The following OXR1 variants were observed in gnomAD, a reference collection of about 807,000 sequenced individuals.
The protein encoded by OXR1 is oxidation resistance 1, also known as oxidation resistance protein 1.
Under a neutral mutation model 104.6 loss-of-function variants are expected in OXR1, and 41 were observed. That is an observed-to-expected ratio of 0.39 (90% CI 0.31 to 0.51). The LOEUF (loss-of-function observed/expected upper bound fraction) is 0.51. OXR1 is among the 20% of genes least tolerant of loss of function. The pLI is 0.77. For synonymous variants in OXR1, 348 were observed against 348.4 expected, an observed-to-expected ratio of 1.00 and a Z score of 0.01; for missense variants, 955 against 1,031.9, an observed-to-expected ratio of 0.93 and a Z score of 1.02.
chr8:106,287,275 G>A (rs1230494050), intron 1 of OXR1, among the ~76,000 whole-genome samples: 5 of 152,120 alleles, frequency 3.3e-5, no homozygotes, highest in African/African-American at 4.8e-5. Flanking sequence ...GAGGTCAGGG[G>A]TATTGGAGGT....
intron 4 of OXR1, among the ~76,000 whole-genome samples, chr8:106,681,140 G>A (rs1587068492): frequency 6.6e-6 from 1 of 152,174 alleles, no homozygotes; most frequent in South Asian, 2.1e-4. Flanking sequence ...CACTTGGGCT[G>A]TTTTGTTACC....
At position 106,557,160 on chromosome 8, in the gene OXR1, T is replaced by C. The variant is rs148885335; in HGVS notation, c.220+38021T>C. ...CATTTCCTACATTGAGCCCTTCCAA[T>C]TAATTAAGATTATTTTCCTGTTCTA... On this transcript the variant is annotated intron_variant, in intron 3 of 16. Transcript: ENST00000517566. Among the ~76,000 whole-genome samples, 58 of 152,332 alleles carry C rather than the reference T, an allele frequency of 3.8e-4. No homozygotes were observed. In the East Asian group the frequency reaches 0.011, roughly 28 times the overall value.
At chr8:106,518,683 GA>G (rs1008030452) in intron 2 of OXR1, among the ~76,000 whole-genome samples, 3 of 151,850 alleles carry the variant, frequency 2.0e-5, no homozygotes, top group Non-Finnish European at 4.4e-5. Flanking sequence ...ATTGGTTATT[GA>G]AAAAATAAAA....
At chr8:106,373,413 A>G (rs1816786690) in intron 2 of OXR1, among the ~76,000 whole-genome samples, 1 of 152,192 alleles carries the variant, frequency 6.6e-6, no homozygotes, top group Non-Finnish European at 1.5e-5. Flanking sequence ...TTAGTGAGGA[A>G]TCAGGTATAA....
intron 3 of OXR1, among the ~76,000 whole-genome samples, chr8:106,610,249 C>T (rs530979645): frequency 7.2e-5 from 11 of 152,242 alleles, no homozygotes; most frequent in African/African-American, 2.4e-4. Flanking sequence ...TGCAAATTCT[C>T]ATCAGTTGAT....
intron 16 of OXR1, among the ~76,000 whole-genome samples, chr8:106,748,536 T>C (rs1488370477): frequency 6.6e-6 from 1 of 151,154 alleles, no homozygotes; most frequent in Non-Finnish European, 1.5e-5. Flanking sequence ...TTTTCTGTTT[T>C]GTTGTGAAGT....
At chr8:106,747,851 C>T (rs1055762403) in intron 16 of OXR1, among the ~76,000 whole-genome samples, 2 of 152,202 alleles carry the variant, frequency 1.3e-5, no homozygotes, top group Non-Finnish European at 2.9e-5. Flanking sequence ...ATAAAACTTA[C>T]TGCAGCATCA....
chr8:106,357,900 C>T (rs759524191), intron 1 of OXR1, among the ~76,000 whole-genome samples: 1 of 152,072 alleles, frequency 6.6e-6, no homozygotes, highest in Admixed American at 6.6e-5. Flanking sequence ...TGGTGGCAGA[C>T]GCTGCTAGTT....
At chr8:106,318,456 A>G (rs1586516097) in intron 1 of OXR1, among the ~76,000 whole-genome samples, 1 of 152,258 alleles carries the variant, frequency 6.6e-6, no homozygotes, top group Middle Eastern at 3.4e-3. Flanking sequence ...AAGGCTTCAC[A>G]AAGATCTCCC....
intron 2 of OXR1, among the ~76,000 whole-genome samples, chr8:106,432,592 G>A (rs551413458): frequency 1.3e-5 from 2 of 152,212 alleles, no homozygotes; most frequent in East Asian, 3.9e-4. Flanking sequence ...CAATGAGGAT[G>A]GGCAGTACCA....
chr8:106,645,056 T>C (rs1399392852), intron 3 of OXR1, among the ~76,000 whole-genome samples: 2 of 151,962 alleles, frequency 1.3e-5, no homozygotes, highest in African/African-American at 2.4e-5. Flanking sequence ...TGGAGATCGA[T>C]TAAAGAGGGG....
intron 3 of OXR1, among the ~76,000 whole-genome samples, chr8:106,658,613 G>A (rs1020009076): frequency 1.3e-5 from 2 of 152,114 alleles, no homozygotes; most frequent in Non-Finnish European, 1.5e-5. Flanking sequence ...ATATTTCTCA[G>A]TTGTTAGGAT....
chr8:106,427,236 A>G (rs575180179), intron 2 of OXR1, among the ~76,000 whole-genome samples: 60 of 152,096 alleles, frequency 3.9e-4, no homozygotes, highest in Admixed American at 1.6e-3. Flanking sequence ...CAGTGGCCTG[A>G]TCTCGGCTCA....
intron 2 of OXR1, among the ~76,000 whole-genome samples, chr8:106,481,567 C>A (rs1284130752): frequency 6.6e-6 from 1 of 151,974 alleles, no homozygotes; most frequent in Non-Finnish European, 1.5e-5. Flanking sequence ...CATCTTTAAG[C>A]TAGAGAGCCC....
intron 3 of OXR1, among the ~76,000 whole-genome samples, chr8:106,599,208 G>A (rs929390257): frequency 6.6e-6 from 1 of 152,170 alleles, no homozygotes; most frequent in Non-Finnish European, 1.5e-5. Context: ...ACTGAAAGAT[G>A]AAAATGTCAG....
intron 2 of OXR1, among the ~76,000 whole-genome samples, chr8:106,383,632 A>G (rs1817250922): frequency 6.6e-6 from 1 of 152,210 alleles, no homozygotes; most frequent in African/African-American, 2.4e-5. Flanking sequence ...TGCCCAAAAG[A>G]TAAAAAGATG....
At chr8:106,710,052 C>G (rs1362431905) in intron 9 of OXR1, among the ~76,000 whole-genome samples, 1 of 152,118 alleles carries the variant, frequency 6.6e-6, no homozygotes, top group East Asian at 1.9e-4. Context: ...CCTCAGTATA[C>G]TCTATCAGCA....
chr8:106,340,986 A>G (rs1270507493), intron 1 of OXR1, among the ~76,000 whole-genome samples: 1 of 152,208 alleles, frequency 6.6e-6, no homozygotes, highest in East Asian at 1.9e-4. Flanking sequence ...GCAAATATAA[A>G]CACAGTACAT....
chr8:106,376,902 C>G (rs1239134701), intron 2 of OXR1, among the ~76,000 whole-genome samples: 1 of 152,184 alleles, frequency 6.6e-6, no homozygotes, highest in Non-Finnish European at 1.5e-5. Flanking sequence ...CTTTTGGACT[C>G]TTCTAATTAA....
Sources: allele counts gnomAD v4.1 joint callset (sites outside exome capture counted in the v4.1 genomes callset), GRCh38; gene constraint gnomAD v4.1.1; transcripts MANE v1.5; gene names NCBI Gene and HGNC (gene_info 2026-07-23, HGNC 2026-07-21).